KIRREL3: variants seen among roughly 807,000 people sequenced by gnomAD.
KIRREL3 encodes the protein kirre like nephrin family adhesion molecule 3.
KIRREL3 carries 36 observed loss-of-function variants against 89.7 expected under a neutral mutation model. The ratio of observed to expected loss-of-function variants is 0.40; its 90% CI spans 0.31 to 0.53. The LOEUF (loss-of-function observed/expected upper bound fraction) is 0.53, where lower values mean the gene tolerates loss of function less well. Ranked by LOEUF, KIRREL3 falls within the 20% of genes least tolerant of loss-of-function variation. KIRREL3 has a pLI of 0.49. For synonymous variants in KIRREL3, 445 were observed against 441.4 expected (o/e 1.01, Z -0.10); for missense variants, 864 against 1,056.6 (o/e 0.82, Z 2.53).
chr11:126,524,150 A>T (rs1382946731), intron 3 of KIRREL3, among the ~76,000 whole-genome samples: 1 of 152,192 alleles, frequency 6.6e-6, no homozygotes, highest in African/African-American at 2.4e-5. Flanking sequence ...TGGGTGAGTT[A>T]CTTTAACTTC....
rs997337682 is a variant in KIRREL3 at position 126,526,332 on chromosome 11, G to A, written c.283+206C>T. On this transcript the variant is annotated intron_variant, in intron 3 of 16. Coordinates refer to ENST00000525144, the MANE Select transcript of KIRREL3 (RefSeq NM_032531.4). This position sits in a 1 kb window ranked among gnomAD's most constrained non-coding sequence, Gnocchi z 5.7. ...ACCGCTAGAAGGAGGGTTTGCTTATGGTTCATTATGCACATCAGGGGCCCT... is the reference window on the plus strand; with the variant it reads ...ACCGCTAGAAGGAGGGTTTGCTTATAGTTCATTATGCACATCAGGGGCCCT... Among the ~76,000 whole-genome samples, 1 of 152,218 alleles carries A rather than the reference G, an allele frequency of 6.6e-6. No homozygotes were observed. The highest frequency in any genetic ancestry group is 2.4e-5 in the African/African-American group (1 of 41,456).
chr11:126,619,617 G>A (rs1326028505), intron 1 of KIRREL3, among the ~76,000 whole-genome samples: 2 of 152,204 alleles, frequency 1.3e-5, no homozygotes, highest in East Asian at 3.9e-4. Context: ...ACATTAATGA[G>A]AATTACAAAC....
intron 4 of KIRREL3, among the ~76,000 whole-genome samples, chr11:126,504,677 A>G (rs1050608567): frequency 6.6e-6 from 1 of 152,246 alleles, no homozygotes; most frequent in Non-Finnish European, 1.5e-5. Flanking sequence ...GTGTTACCTG[A>G]TACTAAAGCC....
chr11:126,961,830 T>G (rs1784335), intron 1 of KIRREL3, among the ~76,000 whole-genome samples: 14,651 of 152,306 alleles, frequency 0.096, 811 homozygotes, highest in Middle Eastern at 0.19. Context: ...CCTCTCATTA[T>G]GGACTAACAT....
rs1390716404 is a variant in KIRREL3, at chr11:126,776,459, G to T, written c.56-213547C>A. On this transcript the variant is annotated intron_variant, in intron 1 of 16. Coordinates refer to ENST00000525144, the MANE Select transcript of KIRREL3 (RefSeq NM_032531.4). This position sits in a 1 kb window ranked among gnomAD's most constrained non-coding sequence, Gnocchi z 4.7. The stretch of plus-strand genomic sequence containing the variant: ...GGTGGCTGTGAGAATCAAATGAAAT[G>T]ATTTGCAGCACCATAGCAGAGATAT... Among the ~76,000 whole-genome samples the T allele has an allele frequency of 1.3e-5, 2 of 152,138 alleles. No individual in the cohort carries two copies. Among genetic ancestry groups the T allele is most frequent in the African/African-American group, 4.8e-5 (2 of 41,436 alleles).
rs998999995 is a variant in KIRREL3 at position 126,423,602 on chromosome 11, C to T, written c.*978G>A. ...CCTTACTGAAGACAGGATCGCCGTT[C>T]TTGTGTTTATCAGCTGAGAAGGGCA... On this transcript the variant is annotated 3_prime_UTR_variant, in exon 17 of 17. Transcript: ENST00000525144. 6.6e-5 allele frequency: 10 copies of T among 152,172 alleles called. No homozygotes were observed. The highest frequency in any genetic ancestry group is 1.4e-4 in the African/African-American group (6 of 41,412). 9.4% of individuals were successfully genotyped at this position (152,172 alleles called of 1,614,324 possible). A position where few individuals can be genotyped will look rare whatever the true frequency, so the allele number is the denominator to read the frequency against.
chr11:126,961,714 C>T (rs1949092776), intron 1 of KIRREL3, among the ~76,000 whole-genome samples: 1 of 152,246 alleles, frequency 6.6e-6, no homozygotes, highest in African/African-American at 2.4e-5. Context: ...CAGACTTTCA[C>T]TGTAGATGAA....
rs763484022 is a variant in KIRREL3 at position 126,486,630 on chromosome 11, A to G, written c.434-13164T>C. On this transcript the variant is annotated intron_variant, in intron 4 of 16. Coordinates refer to ENST00000525144, the MANE Select transcript of KIRREL3 (RefSeq NM_032531.4). This position sits in a 1 kb window ranked among gnomAD's most constrained non-coding sequence, Gnocchi z 6.2. ...TGGCTGCCGTGGACTTGTATAATCCATGCTTCATGGTATGGTGGGCCCTTG... is the reference window on the plus strand; with the variant it reads ...TGGCTGCCGTGGACTTGTATAATCCGTGCTTCATGGTATGGTGGGCCCTTG... Among the ~76,000 whole-genome samples, 10 of 152,202 alleles carry G rather than the reference A, an allele frequency of 6.6e-5. No individual in the cohort carries two copies. The highest frequency in any genetic ancestry group is 1.0e-4 in the Non-Finnish European group (7 of 68,040).
In KIRREL3 at chr11:126,909,014, G is replaced by A. The variant is rs1374847195; in HGVS notation, c.55+91441C>T. Among the ~76,000 whole-genome samples the A allele has an allele frequency of 6.6e-6, 1 of 152,074 alleles. No homozygotes were observed. The highest frequency in any genetic ancestry group is 1.9e-4 in the East Asian group (1 of 5,198). On this transcript the variant is annotated intron_variant, in intron 1 of 16. Transcript: ENST00000525144. This position sits in a 1 kb window ranked among gnomAD's most constrained non-coding sequence, Gnocchi z 4.5. The stretch of plus-strand genomic sequence containing the variant: ...TTGTTATATTATTTAAAGTTGTTAT[G>A]TTAAATTTGTGTTATTTTTTATTGT...
rs367762074 is a variant in KIRREL3, at chr11:126,860,196, G to A, written c.55+140259C>T. ...GGTAACGAGCATTTGTGATGTGCCC[G>A]TTGCTGGTACTTGGTGCTGGGAATA... On this transcript the variant is annotated intron_variant, in intron 1 of 16. Transcript: ENST00000525144. The surrounding 1 kb of genome is among the most constrained non-coding windows in gnomAD (Gnocchi z 4.6). Among the ~76,000 whole-genome samples the A allele has an allele frequency of 1.2e-3, 189 of 152,240 alleles. 3 individuals are homozygous for A. In the South Asian group the frequency reaches 0.037, roughly 29 times the overall value.
Position 126,553,265 on chromosome 11 carries a change from AT to A in KIRREL3, c.133+9569del, listed in dbSNP as rs35431105. Among the ~76,000 whole-genome samples the A allele has an allele frequency of 6.6e-5, 10 of 151,302 alleles. No individual in the cohort carries two copies. The highest frequency in any genetic ancestry group is 3.4e-3 in the Middle Eastern group (1 of 292). On this transcript the variant is annotated intron_variant, in intron 2 of 16. Transcript: ENST00000525144. The surrounding 1 kb of genome is among the most constrained non-coding windows in gnomAD (Gnocchi z 4.7). ...AAATGCATACAATATCTTCTGTTCCATTTTTTTTTAAATGACACTCTGAGCA... is the reference window on the plus strand; with the variant it reads ...AAATGCATACAATATCTTCTGTTCCATTTTTTTTAAATGACACTCTGAGCA...
rs962481635 is a variant in KIRREL3 at position 126,903,483 on chromosome 11, A to T, written c.55+96972T>A. 6.6e-6 allele frequency among the ~76,000 whole-genome samples: 1 copy of T among 152,186 alleles called. No homozygotes were observed. The highest frequency in any genetic ancestry group is 1.5e-5 in the Non-Finnish European group (1 of 68,040). ...AATTTGAAAACTCAGCAAAGCAAGG[A>T]GAGCTGAGCGTTTTTCCGACTTAGC... On this transcript the variant is annotated intron_variant, in intron 1 of 16. Transcript: ENST00000525144. The surrounding 1 kb of genome is among the most constrained non-coding windows in gnomAD (Gnocchi z 4.5).
At chr11:126,444,841 A>G in intron 10 of KIRREL3, 138 bp downstream of exon 10, 1 of 1,160,484 alleles carries the variant, frequency 8.6e-7, no homozygotes, top group African/African-American at 1.5e-5. Flanking sequence ...GGTGGACCTA[A>G]TTGTTGTCTA....
rs1347962146 is a variant in KIRREL3, at chr11:126,454,302, A to AG, written c.848+2046dup. ...GTGGGGGAGGCAGGCCTGGGGGTGG[A>AG]GGGGTCAGGTCCCAGGGCGTGCAGC... On this transcript the variant is annotated intron_variant, in intron 7 of 16. Coordinates refer to ENST00000525144, the MANE Select transcript of KIRREL3 (RefSeq NM_032531.4). The surrounding 1 kb of genome is among the most constrained non-coding windows in gnomAD (Gnocchi z 5.8). Among the ~76,000 whole-genome samples, 1 of 151,066 alleles carries AG rather than the reference A, an allele frequency of 6.6e-6. No homozygotes were observed. Among genetic ancestry groups the AG allele is most frequent in the Non-Finnish European group, 1.5e-5 (1 of 67,848 alleles).
intron 1 of KIRREL3, among the ~76,000 whole-genome samples, chr11:126,824,769 G>A (rs1424332593): frequency 6.6e-6 from 1 of 152,176 alleles, no homozygotes; most frequent in Non-Finnish European, 1.5e-5. Context: ...TACCTGAGAG[G>A]AAGCAATCAG....
Position 126,900,097 on chromosome 11 carries a change from T to A in KIRREL3, c.55+100358A>T, listed in dbSNP as rs539975688. Among the ~76,000 whole-genome samples the A allele has an allele frequency of 1.3e-5, 2 of 152,290 alleles. No homozygotes were observed. Among genetic ancestry groups the A allele is most frequent in the South Asian group, 4.2e-4 (2 of 4,812 alleles). On this transcript the variant is annotated intron_variant, in intron 1 of 16. Transcript: ENST00000525144. The surrounding 1 kb of genome is among the most constrained non-coding windows in gnomAD (Gnocchi z 4.4). ...TCACTTCCTCTGCTCTCCAAATCAA[T>A]TGTTTTGCACAATGGAGACACACTC...
chr11:126,795,204 C>T lies in KIRREL3; in HGVS notation c.55+205251G>A, dbSNP rs1254788108. Among the ~76,000 whole-genome samples the T allele has an allele frequency of 6.6e-6, 1 of 152,122 alleles. No individual in the cohort carries two copies. Among genetic ancestry groups the T allele is most frequent in the Admixed American group, 6.5e-5 (1 of 15,270 alleles). On this transcript the variant is annotated intron_variant, in intron 1 of 16. Coordinates refer to ENST00000525144, the MANE Select transcript of KIRREL3 (RefSeq NM_032531.4). This position sits in a 1 kb window ranked among gnomAD's most constrained non-coding sequence, Gnocchi z 4.1. ...TTGGCCAAGCCCATAGAGTGTACAG[C>T]ATACAGAATGAACTCTAATGTAAAC...
intron 1 of KIRREL3, among the ~76,000 whole-genome samples, chr11:126,819,815 C>T (rs1021254759): frequency 4.6e-5 from 7 of 152,214 alleles, no homozygotes; most frequent in African/African-American, 1.7e-4. Context: ...AAGACAGTGG[C>T]TCTTGATTGG....
intron 4 of KIRREL3, among the ~76,000 whole-genome samples, chr11:126,503,813 C>CTCCT (rs1049578783): frequency 1.3e-5 from 2 of 150,826 alleles, no homozygotes; most frequent in Non-Finnish European, 3.0e-5. Flanking sequence ...GTCTCTCTCT[C>CTCCT]TCCTTCCTTC....
Sources: gnomAD v4.1 joint callset for allele counts (sites outside exome capture counted in the v4.1 genomes callset) on GRCh38, gnomAD v4.1.1 for gene constraint, Gnocchi (gnomAD v3.1) non-coding constraint, MANE v1.5 for transcripts, NCBI Gene and HGNC (gene_info 2026-07-23, HGNC 2026-07-21) for gene names.